SYNE1: variants seen among roughly 807,000 people sequenced by gnomAD.
The protein encoded by SYNE1 is spectrin repeat containing nuclear envelope protein 1, also known as nesprin-1.
SYNE1 carries 616 observed loss-of-function variants against 1,111.0 expected under a neutral mutation model. The observed-to-expected ratio is 0.55, with a 90% confidence interval of 0.52 to 0.59. SYNE1 has a LOEUF of 0.59. Ranked by LOEUF, SYNE1 falls within the 20% of genes least tolerant of loss-of-function variation. The pLI is 0.00. For missense variants in SYNE1, 10,006 were observed against 10,417.0 expected (o/e 0.96, Z 1.72); for synonymous variants, 3,855 against 3,825.8 (o/e 1.01, Z -0.28).
intron 2 of SYNE1, among the ~76,000 whole-genome samples, chr6:152,628,867 C>T (rs1293664948): frequency 1.3e-5 from 2 of 152,018 alleles, no homozygotes; most frequent in Admixed American, 1.3e-4. Flanking sequence ...AAGTGGTTTC[C>T]CTTATACTAA....
chr6:152,262,852 TGAG>T (rs151335369), intron 100 of SYNE1, among the ~76,000 whole-genome samples: 1,420 of 134,252 alleles, frequency 0.011, 26 homozygotes, highest in African/African-American at 0.038. Flanking sequence ...TAGAGGACCC[TGAG>T]GAGGAATAAT....
At chr6:152,162,876 T>G (rs1423508337) in intron 131 of SYNE1, among the ~76,000 whole-genome samples, 1 of 152,094 alleles carries the variant, frequency 6.6e-6, no homozygotes, top group Non-Finnish European at 1.5e-5. Flanking sequence ...TACTATATAT[T>G]CATTAGAAAG....
At chr6:152,610,007 A>G (rs2099626777) in intron 3 of SYNE1, among the ~76,000 whole-genome samples, 1 of 152,218 alleles carries the variant, frequency 6.6e-6, no homozygotes, top group Non-Finnish European at 1.5e-5. Flanking sequence ...AACATCAAAG[A>G]CAAAGGTAGA....
chr6:152,328,911 G>A (rs75968444), intron 78 of SYNE1, among the ~76,000 whole-genome samples: 5,212 of 152,282 alleles, frequency 0.034, 99 homozygotes, highest in South Asian at 0.048. Flanking sequence ...GGGGTGAAGA[G>A]ATGGGGCAAC....
intron 91 of SYNE1, among the ~76,000 whole-genome samples, chr6:152,305,853 A>G (rs1171270782): frequency 6.6e-6 from 1 of 152,218 alleles, no homozygotes; most frequent in African/African-American, 2.4e-5. Context: ...TTTAAAACTA[A>G]CAAACATAAC....
chr6:152,613,399 A>G (rs1024571096), intron 3 of SYNE1, among the ~76,000 whole-genome samples: 5 of 152,208 alleles, frequency 3.3e-5, no homozygotes, highest in Non-Finnish European at 7.3e-5. Context: ...CCCATTCCCA[A>G]TTGCTACAAA....
intron 107 of SYNE1, 73 bp downstream of exon 107, chr6:152,242,167 T>C (rs1270493098): frequency 7.3e-7 from 1 of 1,370,624 alleles, no homozygotes; most frequent in Non-Finnish European, 1.0e-6. Flanking sequence ...TAGGTTTTAC[T>C]AAATATATAT....
At chr6:152,371,906 AGGAAAGGAAAG>A (rs1374125857) in intron 59 of SYNE1, among the ~76,000 whole-genome samples, 7 of 69,320 alleles carry the variant, frequency 1.0e-4, no homozygotes, top group African/African-American at 2.6e-4. Flanking sequence ...AGGAAAGGAA[AGGAAAGGAAAG>A]GAAAGGACAG....
chr6:152,520,376 G>T, intron 6 of SYNE1, 83 bp downstream of exon 6: 1 of 1,306,478 alleles, frequency 7.7e-7, no homozygotes, highest in South Asian at 1.2e-5. Flanking sequence ...CCTCCTATCT[G>T]ACTACAGATA....
In SYNE1 at chr6:152,219,404, T is replaced by C. The variant is rs773422741; in HGVS notation, c.21862-219A>G. ...ACATACATTATACACATATAACCTA[T>C]GGCTATATATAATTACTCTTTTGTT... On this transcript the variant is annotated intron_variant, in intron 119 of 145. Coordinates refer to ENST00000367255, the MANE Select transcript of SYNE1 (RefSeq NM_182961.4). 7.2e-5 allele frequency among the ~76,000 whole-genome samples: 11 copies of C among 151,816 alleles called. No homozygotes were observed. In the South Asian group the frequency reaches 1.0e-3, roughly 14 times the overall value.
chr6:152,504,873 A>G (rs1168697480), intron 9 of SYNE1, among the ~76,000 whole-genome samples: 2 of 152,224 alleles, frequency 1.3e-5, no homozygotes, highest in African/African-American at 4.8e-5. Context: ...CTGAGATTAT[A>G]TAGAGTAATT....
At chr6:152,454,989 A>G (rs1367885965) in intron 24 of SYNE1, among the ~76,000 whole-genome samples, 1 of 152,240 alleles carries the variant, frequency 6.6e-6, no homozygotes, top group Non-Finnish European at 1.5e-5. Context: ...GATGATAAAC[A>G]TGAAGATACT....
At chr6:152,348,091 T>C (rs1402365464) in intron 72 of SYNE1, among the ~76,000 whole-genome samples, 4 of 152,254 alleles carry the variant, frequency 2.6e-5, no homozygotes, top group African/African-American at 9.6e-5. Flanking sequence ...TTAATTCTTG[T>C]AATATCTAAC....
chr6:152,518,252 A>C (rs2099122289), intron 6 of SYNE1, among the ~76,000 whole-genome samples: 1 of 150,646 alleles, frequency 6.6e-6, no homozygotes, highest in Non-Finnish European at 1.5e-5. Context: ...GTTTGTATAC[A>C]TGTCCCCATT....
At chr6:152,583,247 G>A (rs373824225) in intron 3 of SYNE1, among the ~76,000 whole-genome samples, 1 of 152,106 alleles carries the variant, frequency 6.6e-6, no homozygotes, top group East Asian at 1.9e-4. Flanking sequence ...CCGGCTTCAT[G>A]CGTCACATCC....
intron 44 of SYNE1, among the ~76,000 whole-genome samples, chr6:152,408,317 G>A (rs750049410): frequency 1.5e-4 from 23 of 152,224 alleles, no homozygotes; most frequent in Non-Finnish European, 2.6e-4. Context: ...CTGTGGTCAC[G>A]TAGCTAGTAA....
intron 105 of SYNE1, among the ~76,000 whole-genome samples, chr6:152,247,269 G>C (rs954974450): frequency 6.6e-6 from 1 of 152,140 alleles, no homozygotes; most frequent in Non-Finnish European, 1.5e-5. Context: ...TTTAATCCAA[G>C]TTGGGTAGGC....
intron 3 of SYNE1, among the ~76,000 whole-genome samples, chr6:152,620,885 C>T (rs1414821182): frequency 6.6e-6 from 1 of 152,136 alleles, no homozygotes; most frequent in Non-Finnish European, 1.5e-5. Context: ...AATTCCTGTC[C>T]TCAAAGTTTT....
Position 152,293,675 on chromosome 6 carries a change from G to T in SYNE1, c.17925C>A (p.Ile5975=), listed in dbSNP as rs369082681. Residue 5975 remains isoleucine (I), a synonymous_variant, in exon 95 of 146, where the codon ATC becomes ATA. Coordinates refer to ENST00000367255, the MANE Select transcript of SYNE1 (RefSeq NM_182961.4). ...QQKYQDSLQS[I]STKMEAIELK... is the part of the protein sequence containing the mutation. ...GCTCAATGGCCTCCATCTTCGTAGA[G>T]ATGGACTGGAGGGAGTCCTGGTACT... The T allele has an allele frequency of 1.4e-5, 22 of 1,614,172 alleles. No homozygotes were observed. The African/African-American group carries it at 2.7e-4, about 20-fold the overall frequency.
Sources: allele counts gnomAD v4.1 joint callset (sites outside exome capture counted in the v4.1 genomes callset), GRCh38; gene constraint gnomAD v4.1.1; transcripts MANE v1.5; gene names NCBI Gene and HGNC (gene_info 2026-07-23, HGNC 2026-07-21).